Variants in AADACL2 observed in about 807,000 individuals in gnomAD.
AADACL2 encodes arylacetamide deacetylase like 2, also known as arylacetamide deacetylase-like 2.
A neutral mutation model predicts 22.3 loss-of-function variants in AADACL2; 23 were observed. That is an observed-to-expected ratio of 1.03 (90% confidence interval 0.74 to 1.46). The LOEUF (loss-of-function observed/expected upper bound fraction) is 1.46. AADACL2 is among the 40% of genes most tolerant of loss of function. The pLI, the probability that AADACL2 is intolerant of heterozygous loss-of-function variation, is 0.00. For synonymous variants in AADACL2, 177 were observed against 166.2 expected, an observed-to-expected ratio of 1.07 and a Z score of -0.50; for missense variants, 472 against 482.9, an observed-to-expected ratio of 0.98 and a Z score of 0.21.
At position 151,757,698 on chromosome 3, in the gene AADACL2, T is replaced by C. The variant is rs1314437918; in HGVS notation, c.*104T>C. ...GTCATTTGAGTTATCTAAATCTACATTTGCAACATTTGTAGCAGTTAATGT... is the reference window on the plus strand; with the variant it reads ...GTCATTTGAGTTATCTAAATCTACACTTGCAACATTTGTAGCAGTTAATGT... On this transcript the variant is annotated 3_prime_UTR_variant, in exon 5 of 5. Transcript: ENST00000356517. 1.5e-6 allele frequency: 2 copies of C among 1,376,496 alleles called. No individual in the cohort carries two copies. The highest frequency in any genetic ancestry group is 2.0e-6 in the Non-Finnish European group (2 of 1,020,314). 85.3% of individuals were successfully genotyped at this position (1,376,496 alleles called of 1,614,324 possible).
Position 151,757,013 on chromosome 3 carries a change from A to G in AADACL2, c.625A>G (p.Lys209Glu). The change falls in exon 5 of 5, where the codon AAA (lysine) becomes GAA (glutamate). Residue 209 changes from lysine (K) to glutamate (E), a missense_variant. Transcript: ENST00000356517. ...TCAGGTGCAGAATGATGCTGAAATA[A>G]AACATAAAATCAAGATGCAAGTCTT... ...TQQVQNDAEI[K>E]HKIKMQVLLY... The G allele has an allele frequency of 1.2e-5, 19 of 1,604,864 alleles. No homozygotes were observed. Among genetic ancestry groups the G allele is most frequent in the Non-Finnish European group, 1.6e-5 (19 of 1,177,192 alleles).
At chr3:151,746,398 A>G (rs1297468971) in intron 4 of AADACL2, among the ~76,000 whole-genome samples, 2 of 136,114 alleles carry the variant, frequency 1.5e-5, no homozygotes, top group South Asian at 2.3e-4. Context: ...AGGATTTTCT[A>G]TATTTTCAAT....
chr3:151,752,547 T>C (rs1009179721), intron 4 of AADACL2, among the ~76,000 whole-genome samples: 1 of 152,240 alleles, frequency 6.6e-6, no homozygotes, highest in African/African-American at 2.4e-5. Context: ...AAAACTCTTG[T>C]GGACATGGTG....
In AADACL2 at chr3:151,744,109, C is replaced by T. The variant is rs1713362579; in HGVS notation, c.378C>T (p.Asp126=). The change falls in exon 3 of 5, where the codon GAC becomes GAT. Residue 126 remains aspartate (D), a synonymous_variant. Transcript: ENST00000356517. The stretch of plus-strand genomic sequence containing the variant: ...TCATTTCAGAACAGAGGGCTTTTGA[C>T]TTCCTGAATAGATGGACGGCAAACA... The part of the protein sequence containing the change: ...CFGSSKQRAF[D]FLNRWTANTL... 6.2e-7 allele frequency: 1 copy of T among 1,613,708 alleles called. No individual in the cohort carries two copies. Among genetic ancestry groups the T allele is most frequent in the African/African-American group, 1.3e-5 (1 of 75,010 alleles).
rs773612462 is a variant in AADACL2 at position 151,757,068 on chromosome 3, CT to C, written c.682del (p.Tyr228IlefsTer12). On this transcript the variant is annotated frameshift_variant, in exon 5 of 5. Transcript: ENST00000356517. LOFTEE classifies it low-confidence loss of function (END_TRUNC). ...LLYPGLQITD[S>X]YLPSHRENEH... is the part of the protein sequence containing the mutation. The stretch of plus-strand genomic sequence containing the variant: ...TACCCTGGCTTACAGATAACAGATT[CT>C]TATTTGCCATCTCACCGAGAAAATG... The C allele has an allele frequency of 1.7e-4, 281 of 1,612,776 alleles. 3 individuals carry two copies. In the South Asian group the frequency reaches 3.0e-3, roughly 17 times the overall value.
At chr3:151,740,623 T>A in intron 1 of AADACL2, 23 bp from the exon 2 acceptor site, 2 of 1,470,832 alleles carry the variant, frequency 1.4e-6, no homozygotes, top group Non-Finnish European at 1.9e-6. Context: ...AAATATTTAA[T>A]TTTGTTTGTT....
chr3:151,760,054 AT>A lies in AADACL2; in HGVS notation c.*2461del, dbSNP rs1306571307. ...AATCGGCACATCATCTCAAACATTT[AT>A]CATTTCTTTGTGTTGGGAATTTCAA... is the stretch of plus-strand genomic sequence containing the variant. On this transcript the variant is annotated 3_prime_UTR_variant, in exon 5 of 5. Transcript: ENST00000356517. 3.0e-4 allele frequency: 45 copies of A among 152,250 alleles called. No individual in the cohort carries two copies. Among genetic ancestry groups the A allele is most frequent in the Admixed American group, 2.8e-3 (43 of 15,282 alleles). 9.4% of individuals were successfully genotyped at this position (152,250 alleles called of 1,614,324 possible). A position where few individuals can be genotyped will look rare whatever the true frequency, so the allele number is the denominator to read the frequency against.
chr3:151,738,262 T>G (rs903834541), intron 1 of AADACL2, among the ~76,000 whole-genome samples: 7 of 152,212 alleles, frequency 4.6e-5, no homozygotes, highest in Non-Finnish European at 1.0e-4. Flanking sequence ...GAAGCTTAGT[T>G]TGGCTGGATA....
intron 4 of AADACL2, among the ~76,000 whole-genome samples, chr3:151,752,197 T>C (rs926095151): frequency 2.0e-5 from 3 of 152,208 alleles, no homozygotes; most frequent in Non-Finnish European, 4.4e-5. Flanking sequence ...GAGCTCATTT[T>C]TTCCAATGTC....
chr3:151,757,502 G>A lies in AADACL2; in HGVS notation c.1114G>A (p.Gly372Arg). 1 of 1,613,602 alleles carries A rather than the reference G, an allele frequency of 6.2e-7. No homozygotes were observed. The highest frequency in any genetic ancestry group is 8.5e-7 in the Non-Finnish European group (1 of 1,179,624). ...VHEHIEDGIHGALSFMTSPFY... is the reference protein window; with the variant it reads ...VHEHIEDGIHRALSFMTSPFY... The stretch of plus-strand genomic sequence containing the variant: ...TGAACATATTGAGGATGGAATTCAT[G>A]GAGCTTTATCATTCATGACTTCACC... Residue 372 changes from glycine to arginine, a missense_variant, in exon 5 of 5, where the codon GGA (glycine) becomes AGA (arginine). By Grantham distance (125) the Gly-to-Arg change is moderately radical (BLOSUM62 -2). Around this residue, in one of 3 missense-constraint regions of AADACL2, gnomAD observed 113 missense variants for 100.9 expected, o/e 1.12. Coordinates refer to ENST00000356517, the MANE Select transcript of AADACL2 (RefSeq NM_207365.4).
At chr3:151,751,682 C>T (rs2107988526) in intron 4 of AADACL2, among the ~76,000 whole-genome samples, 1 of 151,608 alleles carries the variant, frequency 6.6e-6, no homozygotes, top group African/African-American at 2.4e-5. Context: ...GACCCTAATT[C>T]TAAAAAACAA....
intron 1 of AADACL2, among the ~76,000 whole-genome samples, chr3:151,734,518 G>GTAAT (rs1248356135): frequency 6.6e-6 from 1 of 152,110 alleles, no homozygotes; most frequent in Non-Finnish European, 1.5e-5. Flanking sequence ...ACCTAGTCCT[G>GTAAT]TAATTATCTT....
At chr3:151,740,606 A>T in intron 1 of AADACL2, 40 bp from the exon 2 acceptor site, 1 of 1,323,508 alleles carries the variant, frequency 7.6e-7, no homozygotes, top group South Asian at 1.5e-5. Flanking sequence ...GTGTTATTTA[A>T]ATATCTAAAT....
At chr3:151,745,706 G>A in intron 4 of AADACL2, 26 bp downstream of exon 4, 2 of 1,542,076 alleles carry the variant, frequency 1.3e-6, no homozygotes, top group Admixed American at 2.2e-5. Context: ...TTTTATGATA[G>A]GAGGCAGAAA....
At position 151,740,743 on chromosome 3, in the gene AADACL2, TCA is replaced by T. The variant is rs1713253344; in HGVS notation, c.239_240del (p.Thr80SerfsTer3). The T allele has an allele frequency of 6.2e-7, 1 of 1,613,870 alleles. No individual in the cohort carries two copies. The highest frequency in any genetic ancestry group is 1.3e-5 in the African/African-American group (1 of 74,922). ...ACCCAACCACTTTCAGATGAATACA[TCA>T]CAGTGACTGATACAACATTTGTTGA... On this transcript the variant is annotated frameshift_variant, in exon 2 of 5. Coordinates refer to ENST00000356517, the MANE Select transcript of AADACL2 (RefSeq NM_207365.4). LOFTEE classifies it high-confidence loss of function.
chr3:151,735,461 G>A (rs543132585), intron 1 of AADACL2, among the ~76,000 whole-genome samples: 7 of 152,104 alleles, frequency 4.6e-5, no homozygotes, highest in Admixed American at 1.3e-4. Flanking sequence ...ATACTTCCTC[G>A]TCTTTAAATT....
Position 151,759,620 on chromosome 3 carries a change from A to ATAAG in AADACL2, c.*2029_*2032dup, listed in dbSNP as rs1714078568. On this transcript the variant is annotated 3_prime_UTR_variant, in exon 5 of 5. Transcript: ENST00000356517. ...AGAAAAGCACTTCTTTTTTTGCTACATAAGTATGTGGTAGAAATGTATGCT... is the reference window on the plus strand; with the variant it reads ...AGAAAAGCACTTCTTTTTTTGCTACATAAGTAAGTATGTGGTAGAAATGTATGCT... The ATAAG allele has an allele frequency of 6.6e-6, 1 of 152,226 alleles. No homozygotes were observed. Among genetic ancestry groups the ATAAG allele is most frequent in the South Asian group, 2.1e-4 (1 of 4,834 alleles). The allele number at this position is 152,226 out of a possible 1,614,324, so 9.4% of individuals were successfully genotyped here.
At chr3:151,737,795 T>C (rs1713141363) in intron 1 of AADACL2, among the ~76,000 whole-genome samples, 2 of 152,144 alleles carry the variant, frequency 1.3e-5, no homozygotes, top group Non-Finnish European at 1.5e-5. Flanking sequence ...GCTTTTTTTT[T>C]CCATTTGCTT....
chr3:151,744,500 G>C (rs1713378172), intron 3 of AADACL2, among the ~76,000 whole-genome samples: 1 of 152,076 alleles, frequency 6.6e-6, no homozygotes, highest in Non-Finnish European at 1.5e-5. Context: ...ATACTGGATT[G>C]TATTTGAGCA....
Sources: gnomAD v4.1 joint callset for allele counts (sites outside exome capture counted in the v4.1 genomes callset) on GRCh38, gnomAD v4.1.1 for gene constraint, gnomAD v4.1.1 regional missense constraint, MANE v1.5 for transcripts, NCBI Gene and HGNC (gene_info 2026-07-23, HGNC 2026-07-21) for gene names.